The following PRIM2 variants were observed in gnomAD, a reference collection of about 807,000 sequenced individuals.
PRIM2 encodes the protein DNA primase large subunit.
In PRIM2, 39 loss-of-function variants were observed where a neutral mutation model predicts 67.3. The ratio of observed to expected loss-of-function variants is 0.58; its 90% confidence interval spans 0.45 to 0.76. PRIM2 has a LOEUF of 0.76. Among genes scored for constraint, PRIM2 ranks in the 30% least tolerant of loss-of-function variants. The probability of loss-of-function intolerance (pLI) is 0.00; values close to 1 mark genes in which losing one functional copy is unlikely to be tolerated. For missense variants in PRIM2, 398 were observed against 598.7 expected (o/e 0.66, Z 3.50); for synonymous variants, 143 against 198.7 (o/e 0.72, Z 2.36).
At chr6:57,249,608 G>T in the PRIM2 span, among the ~76,000 whole-genome samples, 1 of 152,108 alleles carries the variant, frequency 6.6e-6, no homozygotes, top group East Asian at 1.9e-4. Context: ...CTGGCGTGGT[G>T]GTGCGTGCCT....
chr6:57,451,420 G>T (rs1772545915), intron 7 of PRIM2, among the ~76,000 whole-genome samples: 2 of 152,172 alleles, frequency 1.3e-5, no homozygotes, highest in African/African-American at 4.8e-5. Context: ...GATTACAGGT[G>T]TGAGCCACCG....
Position 57,336,990 on chromosome 6 carries a change from C to G in PRIM2, c.459+10945C>G, listed in dbSNP as rs7755250. 3.2e-3 allele frequency among the ~76,000 whole-genome samples: 487 copies of G among 151,814 alleles called. 1 individual carries two copies. Among genetic ancestry groups the G allele is most frequent in the Middle Eastern group, 0.01 (3 of 294 alleles). On this transcript the variant is annotated intron_variant, in intron 5 of 13. Transcript: ENST00000615550. ...ATCTCACGTGCAGAGACACACATAG[C>G]CTCAAAATAAAAGGATGGAGGAAGA...
intron 4 of PRIM2, 147 bp downstream of exon 4, chr6:57,324,427 A>G (rs1767774052): frequency 2.2e-6 from 1 of 448,258 alleles, no homozygotes; most frequent in Non-Finnish European, 4.0e-6. Context: ...ACTGACAGTA[A>G]ATTGTTTGGA....
chr6:57,478,496 G>A (rs1207299145), intron 7 of PRIM2, among the ~76,000 whole-genome samples: 1 of 151,988 alleles, frequency 6.6e-6, no homozygotes, highest in African/African-American at 2.4e-5. Context: ...AAGAGTCAGA[G>A]TGCCTGGCTG....
At chr6:57,257,075 C>T in the PRIM2 span, among the ~76,000 whole-genome samples, 1 of 152,108 alleles carries the variant, frequency 6.6e-6, no homozygotes, top group African/African-American at 2.4e-5. Context: ...CCACCCTGGG[C>T]CAGTGCTTCT....
At chr6:57,234,616 C>A in the PRIM2 span, among the ~76,000 whole-genome samples, 1 of 148,734 alleles carries the variant, frequency 6.7e-6, no homozygotes, top group Admixed American at 6.7e-5. Context: ...CTCCGCCTCC[C>A]AGGTTCAAGC....
At chr6:57,615,796 A>G (rs2127495646) in intron 12 of PRIM2, among the ~76,000 whole-genome samples, 1 of 152,298 alleles carries the variant, frequency 6.6e-6, no homozygotes, top group East Asian at 1.9e-4. Flanking sequence ...TGGGAGGCTG[A>G]AGCAGGAAGC....
At chr6:57,274,037 A>G in the PRIM2 span, among the ~76,000 whole-genome samples, 30 of 152,132 alleles carry the variant, frequency 2.0e-4, no homozygotes, top group African/African-American at 6.8e-4. Flanking sequence ...GTCCGCCCCT[A>G]CTGGGGGGTG....
At chr6:57,333,089 A>G (rs1182720731) in intron 5 of PRIM2, among the ~76,000 whole-genome samples, 3 of 152,138 alleles carry the variant, frequency 2.0e-5, no homozygotes, top group African/African-American at 4.8e-5. Context: ...TTTTAAAACA[A>G]TCTAGTTGGG....
At chr6:57,453,989 A>G (rs1158704179) in intron 7 of PRIM2, among the ~76,000 whole-genome samples, 4 of 152,154 alleles carry the variant, frequency 2.6e-5, no homozygotes, top group Non-Finnish European at 5.9e-5. Flanking sequence ...GAGAGTTTTT[A>G]GCATGAAGGG....
intron 8 of PRIM2, among the ~76,000 whole-genome samples, chr6:57,531,507 T>A (rs1437470131): frequency 1.3e-5 from 2 of 152,196 alleles, no homozygotes; most frequent in Non-Finnish European, 2.9e-5. Context: ...CACACCTGCA[T>A]GCACCTGAGT....
At chr6:57,544,931 A>T (rs1775254854) in intron 10 of PRIM2, among the ~76,000 whole-genome samples, 1 of 152,206 alleles carries the variant, frequency 6.6e-6, no homozygotes. Flanking sequence ...TATTTTGCTG[A>T]ATACATGGTA....
At chr6:57,628,736 G>A (rs1336526680) in intron 12 of PRIM2, among the ~76,000 whole-genome samples, 2 of 152,056 alleles carry the variant, frequency 1.3e-5, no homozygotes, top group Non-Finnish European at 2.9e-5. Context: ...AGAACATGTG[G>A]TATTTGATTT....
At chr6:57,295,748 A>G in the PRIM2 span, among the ~76,000 whole-genome samples, 5 of 152,208 alleles carry the variant, frequency 3.3e-5, no homozygotes, top group African/African-American at 1.2e-4. Context: ...ACAGCTACAC[A>G]GGCACCTTAA....
intron 7 of PRIM2, among the ~76,000 whole-genome samples, chr6:57,447,198 T>C (rs1772396019): frequency 6.6e-6 from 1 of 152,262 alleles, no homozygotes; most frequent in Non-Finnish European, 1.5e-5. Context: ...TGGATCTATT[T>C]ACCTTTATTA....
intron 10 of PRIM2, among the ~76,000 whole-genome samples, chr6:57,590,526 C>T (rs1346732252): frequency 3.4e-4 from 51 of 152,202 alleles, no homozygotes; most frequent in Non-Finnish European, 4.6e-4. Flanking sequence ...AGGAAATAAA[C>T]GTCACGGGTA....
chr6:57,314,114 A>G (rs1202689762), upstream of PRIM2, among the ~76,000 whole-genome samples: 1 of 152,236 alleles, frequency 6.6e-6, no homozygotes, highest in Non-Finnish European at 1.5e-5. Context: ...ATGTTTTCAG[A>G]TGAGGACTTG....
At chr6:57,297,913 A>T in the PRIM2 span, among the ~76,000 whole-genome samples, 1 of 152,214 alleles carries the variant, frequency 6.6e-6, no homozygotes, top group Non-Finnish European at 1.5e-5. Context: ...CTGAGAAACC[A>T]TGACGACTAA....
At chr6:57,386,265 C>A (rs1342622139) in intron 7 of PRIM2, among the ~76,000 whole-genome samples, 1 of 151,084 alleles carries the variant, frequency 6.6e-6, no homozygotes, top group Non-Finnish European at 1.5e-5. Flanking sequence ...ACAACAACAA[C>A]AAAATAGCCA....
Sources: allele counts gnomAD v4.1 joint callset (sites outside exome capture counted in the v4.1 genomes callset), GRCh38; gene constraint gnomAD v4.1.1; transcripts MANE v1.5; gene names NCBI Gene and HGNC (gene_info 2026-07-23, HGNC 2026-07-21).